The following SLC7A2 variants were observed in gnomAD, a reference collection of about 807,000 sequenced individuals.
The protein encoded by SLC7A2 is solute carrier family 7 member 2.
In SLC7A2, 48 loss-of-function variants were observed where a neutral mutation model predicts 58.9. The ratio of observed to expected loss-of-function variants is 0.82; its 90% CI spans 0.65 to 1.04. The LOEUF is 1.04. SLC7A2 is among the 50% of genes least tolerant of loss of function. The pLI, the probability that SLC7A2 is intolerant of heterozygous loss-of-function variation, is 0.00. For missense variants in SLC7A2, 1,029 were observed against 818.8 expected (o/e 1.26, Z -3.13); for synonymous variants, 363 against 314.5 (o/e 1.15, Z -1.63).
At chr8:17,520,210 A>C (rs1364604639) in intron 2 of SLC7A2, among the ~76,000 whole-genome samples, 1 of 152,168 alleles carries the variant, frequency 6.6e-6, no homozygotes, top group East Asian at 1.9e-4. Flanking sequence ...TAAAGGGAGA[A>C]ACTTTTTTAT....
chr8:17,503,111 C>T (rs558715324), intron 2 of SLC7A2, among the ~76,000 whole-genome samples: 3 of 151,998 alleles, frequency 2.0e-5, no homozygotes, highest in East Asian at 1.9e-4. Context: ...AGTGCAGTGG[C>T]GCGATCTCGG....
intron 2 of SLC7A2, among the ~76,000 whole-genome samples, chr8:17,505,386 T>C (rs1389881273): frequency 3.3e-5 from 5 of 152,132 alleles, no homozygotes; most frequent in Non-Finnish European, 7.4e-5. Context: ...GGCCTCCAAG[T>C]TGGGGCTGAG....
intron 1 of SLC7A2, among the ~76,000 whole-genome samples, chr8:17,497,456 A>T (rs1390334635): frequency 6.6e-6 from 1 of 152,118 alleles, no homozygotes; most frequent in African/African-American, 2.4e-5. Context: ...CTGGGGCTGA[A>T]GCCGTGGACC....
At chr8:17,552,041 G>C (rs1802480691) in intron 7 of SLC7A2, 55 bp downstream of exon 7, 3 of 1,456,734 alleles carry the variant, frequency 2.1e-6, no homozygotes, top group South Asian at 1.2e-5. Flanking sequence ...AAAGTAGTCA[G>C]TGTCTAAAAA....
chr8:17,559,682 G>T (rs976606708), intron 9 of SLC7A2, among the ~76,000 whole-genome samples: 4 of 152,218 alleles, frequency 2.6e-5, no homozygotes, highest in Non-Finnish European at 5.9e-5. Context: ...GCTCCCACTG[G>T]GTCCCTTCCA....
rs775240225 is a variant in SLC7A2, at chr8:17,543,465, G to A, written c.126G>A (p.Leu42=). The A allele has an allele frequency of 2.5e-6, 4 of 1,613,970 alleles. No homozygotes were observed. The highest frequency in any genetic ancestry group is 3.4e-6 in the Non-Finnish European group (4 of 1,180,028). ...RCLSTMDLIA[L]GVGSTLGAGV... is the part of the protein sequence containing the mutation. ...TATCCACCATGGACCTCATTGCCCTGGGCGTTGGAAGCACCCTTGGGGCCG... is the reference window on the plus strand; with the variant it reads ...TATCCACCATGGACCTCATTGCCCTAGGCGTTGGAAGCACCCTTGGGGCCG... Residue 42 remains leucine (L), a synonymous_variant, in exon 3 of 13, where the codon CTG becomes CTA. Coordinates refer to ENST00000494857, the MANE Select transcript of SLC7A2 (RefSeq NM_001370338.1).
intron 2 of SLC7A2, chr8:17,538,863 A>G (rs149000417): frequency 2.1e-4 from 337 of 1,613,710 alleles, no homozygotes; most frequent in Non-Finnish European, 2.7e-4. Context: ...CAGACAAACT[A>G]ATTTGTCGAG....
chr8:17,532,174 G>A (rs1335916410), intron 2 of SLC7A2, among the ~76,000 whole-genome samples: 3 of 142,300 alleles, frequency 2.1e-5, no homozygotes, highest in African/African-American at 8.1e-5. Context: ...AGGTTGGAGT[G>A]AGCTGAGATT....
chr8:17,546,857 C>T lies in SLC7A2; in HGVS notation c.533-1821C>T, dbSNP rs112164076. The stretch of plus-strand genomic sequence containing the variant: ...GGTAAAAGATAAACTTTCTTAGGTC[C>T]GTAATTCAAATCTTATACCAGATGG... On this transcript the variant is annotated intron_variant, in intron 4 of 12. Transcript: ENST00000494857. Among the ~76,000 whole-genome samples the T allele has an allele frequency of 4.6e-5, 7 of 151,888 alleles. No homozygotes were observed. The East Asian group carries it at 7.8e-4, about 17-fold the overall frequency.
chr8:17,505,890 T>G (rs1289605536), intron 2 of SLC7A2, among the ~76,000 whole-genome samples: 7 of 152,202 alleles, frequency 4.6e-5, no homozygotes, highest in Non-Finnish European at 1.5e-5. Flanking sequence ...TTATCAGTTT[T>G]TACAATGTAA....
chr8:17,536,952 G>T (rs926613818), intron 2 of SLC7A2, among the ~76,000 whole-genome samples: 1 of 152,182 alleles, frequency 6.6e-6, no homozygotes, highest in African/African-American at 2.4e-5. Context: ...GCAAGGCCTG[G>T]GGGGACAGAA....
At chr8:17,561,807 G>A (rs1803002006) in intron 10 of SLC7A2, 137 bp from the exon 11 acceptor site, 6 of 749,122 alleles carry the variant, frequency 8.0e-6, no homozygotes, top group East Asian at 5.0e-5. Context: ...AGAAGAAAGG[G>A]CAAGGCGAAG....
chr8:17,565,246 G>A lies in SLC7A2; in HGVS notation c.*100G>A. 4.5e-6 allele frequency: 4 copies of A among 892,126 alleles called. No homozygotes were observed. In the South Asian group the frequency reaches 7.0e-5, roughly 16 times the overall value. 55.3% of individuals were successfully genotyped at this position (892,126 alleles called of 1,614,324 possible). A position where few individuals can be genotyped will look rare whatever the true frequency, so the allele number is the denominator to read the frequency against. ...CAGCATGCTGGGTTGTCATGGGTTT[G>A]CTGCATACATAGTTCACCCTAATTT... On this transcript the variant is annotated 3_prime_UTR_variant, in exon 13 of 13. Coordinates refer to ENST00000494857, the MANE Select transcript of SLC7A2 (RefSeq NM_001370338.1).
chr8:17,549,605 A>T (rs1802350206), intron 5 of SLC7A2, among the ~76,000 whole-genome samples: 1 of 152,160 alleles, frequency 6.6e-6, no homozygotes, highest in Non-Finnish European at 1.5e-5. Flanking sequence ...GTTTTATTGT[A>T]TTCTCTTAAT....
At chr8:17,505,380 T>C (rs1800323783) in intron 2 of SLC7A2, among the ~76,000 whole-genome samples, 1 of 152,178 alleles carries the variant, frequency 6.6e-6, no homozygotes, top group South Asian at 2.1e-4. Flanking sequence ...GCTTATGGCC[T>C]CCAAGTTGGG....
Position 17,561,937 on chromosome 8 carries a change from C to T in SLC7A2, c.1505-7C>T. The T allele has an allele frequency of 1.2e-6, 2 of 1,613,894 alleles. No homozygotes were observed. The highest frequency in any genetic ancestry group is 1.7e-6 in the Non-Finnish European group (2 of 1,179,906). ...GCTGACTCTGTTATCTACACATCCC[C>T]CTGCAGCTTTCCTCGTGTTGGGCCT... is the stretch of plus-strand genomic sequence containing the variant. On this transcript the variant is annotated splice_polypyrimidine_tract_variant and splice_region_variant and intron_variant, in intron 10 of 12. Transcript: ENST00000494857.
upstream of SLC7A2, among the ~76,000 whole-genome samples, chr8:17,495,513 G>C (rs184939573): frequency 8.9e-4 from 136 of 152,194 alleles, 4 homozygotes; most frequent in Middle Eastern, 0.037. Flanking sequence ...TAATATCTTC[G>C]TAATCATAGT....
At chr8:17,503,103 T>G (rs923594855) in intron 2 of SLC7A2, among the ~76,000 whole-genome samples, 4 of 152,070 alleles carry the variant, frequency 2.6e-5, no homozygotes, top group African/African-American at 9.7e-5. Flanking sequence ...CAGGCTGGAG[T>G]GCAGTGGCGC....
intron 2 of SLC7A2, among the ~76,000 whole-genome samples, chr8:17,519,087 A>G (rs1300883869): frequency 2.0e-5 from 3 of 152,136 alleles, no homozygotes; most frequent in Admixed American, 6.5e-5. Flanking sequence ...TCCAAATACT[A>G]TCACATTGCA....
Sources: allele counts gnomAD v4.1 joint callset (sites outside exome capture counted in the v4.1 genomes callset), GRCh38; gene constraint gnomAD v4.1.1; transcripts MANE v1.5; gene names NCBI Gene and HGNC (gene_info 2026-07-23, HGNC 2026-07-21).